The following ITPKB variants were observed in gnomAD, a reference collection of about 807,000 sequenced individuals.
ITPKB encodes inositol-trisphosphate 3-kinase B.
ITPKB carries 13 observed loss-of-function variants against 69.4 expected under a neutral mutation model. That is an observed-to-expected ratio of 0.19 (90% confidence interval 0.12 to 0.30). The LOEUF (loss-of-function observed/expected upper bound fraction) is 0.30. Ranked by LOEUF, ITPKB falls within the 10% of genes least tolerant of loss-of-function variation. The pLI is 1.00. For synonymous variants in ITPKB, 584 were observed against 513.7 expected (o/e 1.14, Z -1.85); for missense variants, 1,240 against 1,250.5 (o/e 0.99, Z 0.13).
chr1:226,637,016 T>C lies in ITPKB; in HGVS notation c.2625+663A>G, dbSNP rs937890333. 3.3e-5 allele frequency among the ~76,000 whole-genome samples: 5 copies of C among 151,956 alleles called. No homozygotes were observed. Among genetic ancestry groups the C allele is most frequent in the Non-Finnish European group, 7.4e-5 (5 of 67,972 alleles). ...AGTGTGATCTGTGAAGGTGTGTGCATGTAGGGTTTATGAGTGTGATCTGTG... is the reference window on the plus strand; with the variant it reads ...AGTGTGATCTGTGAAGGTGTGTGCACGTAGGGTTTATGAGTGTGATCTGTG... On this transcript the variant is annotated intron_variant, in intron 7 of 7. Coordinates refer to ENST00000429204, the MANE Select transcript of ITPKB (RefSeq NM_002221.4). This position sits in a 1 kb window ranked among gnomAD's most constrained non-coding sequence, Gnocchi z 4.3.
At chr1:226,713,265 C>CT (rs1478659556) in intron 2 of ITPKB, among the ~76,000 whole-genome samples, 3 of 152,196 alleles carry the variant, frequency 2.0e-5, no homozygotes, top group Non-Finnish European at 2.9e-5. Context: ...GAGTTGCTGC[C>CT]TGTGTCCCCT....
chr1:226,711,765 C>T (rs1051423839), intron 2 of ITPKB, among the ~76,000 whole-genome samples: 1 of 152,080 alleles, frequency 6.6e-6, no homozygotes, highest in African/African-American at 2.4e-5. Context: ...ACTAGGGTGT[C>T]TGCTCATACT....
At chr1:226,734,201 G>A (rs1571881796) in intron 2 of ITPKB, among the ~76,000 whole-genome samples, 1 of 152,312 alleles carries the variant, frequency 6.6e-6, no homozygotes, top group Middle Eastern at 3.4e-3. Context: ...TAATGCCCAG[G>A]GGCCCTGTCC....
chr1:226,650,784 C>A (rs1270742128), intron 2 of ITPKB, among the ~76,000 whole-genome samples: 1 of 152,206 alleles, frequency 6.6e-6, no homozygotes, highest in Non-Finnish European at 1.5e-5. Flanking sequence ...ATGTCCCTAT[C>A]AGGGGAGAAC....
In ITPKB at chr1:226,738,674, C is replaced by T. The variant is rs553450451; in HGVS notation, c.-206+367G>A. On this transcript the variant is annotated intron_variant, in intron 1 of 7. Coordinates refer to ENST00000429204, the MANE Select transcript of ITPKB (RefSeq NM_002221.4). The surrounding 1 kb of genome is among the most constrained non-coding windows in gnomAD (Gnocchi z 4.2). ...GCTCTGCAAACCTCCCAGGAGCCGGCGCTCTAACACCCCAGGGCAGCGCCG... is the reference window on the plus strand; with the variant it reads ...GCTCTGCAAACCTCCCAGGAGCCGGTGCTCTAACACCCCAGGGCAGCGCCG... Among the ~76,000 whole-genome samples the T allele has an allele frequency of 3.3e-5, 5 of 152,156 alleles. No individual in the cohort carries two copies. The highest frequency in any genetic ancestry group is 3.3e-4 in the Admixed American group (5 of 15,292).
intron 2 of ITPKB, chr1:226,707,633 CAT>C (rs1425786506): frequency 2.6e-5 from 26 of 1,000,838 alleles, no homozygotes; most frequent in African/African-American, 2.3e-4. Flanking sequence ...GCAGTGTACA[CAT>C]GAGTAACTCA....
At chr1:226,687,483 T>C (rs928031056) in intron 2 of ITPKB, among the ~76,000 whole-genome samples, 2 of 152,162 alleles carry the variant, frequency 1.3e-5, no homozygotes, top group African/African-American at 4.8e-5. Context: ...GAGGCCAACA[T>C]AGGAACAGCC....
At chr1:226,708,841 T>G (rs780222601) in intron 2 of ITPKB, among the ~76,000 whole-genome samples, 1 of 152,260 alleles carries the variant, frequency 6.6e-6, no homozygotes, top group Non-Finnish European at 1.5e-5. Context: ...GACAGCATCT[T>G]AACTCGTGAG....
At chr1:226,652,238 G>A (rs918574473) in intron 2 of ITPKB, among the ~76,000 whole-genome samples, 1 of 152,208 alleles carries the variant, frequency 6.6e-6, no homozygotes, top group Non-Finnish European at 1.5e-5. Context: ...ATGAACTAAA[G>A]GATGGGAGGA....
intron 2 of ITPKB, among the ~76,000 whole-genome samples, chr1:226,686,345 A>G (rs977906572): frequency 6.6e-6 from 1 of 152,244 alleles, no homozygotes; most frequent in Non-Finnish European, 1.5e-5. Flanking sequence ...GGGAAGCCAT[A>G]GTCAGTTTCA....
intron 2 of ITPKB, among the ~76,000 whole-genome samples, chr1:226,677,611 TG>T (rs1365996588): frequency 2.0e-5 from 3 of 152,220 alleles, no homozygotes; most frequent in Non-Finnish European, 4.4e-5. Context: ...TGCACAGCAC[TG>T]CTTCTGCCGG....
intron 2 of ITPKB, among the ~76,000 whole-genome samples, chr1:226,675,368 G>T (rs1337519509): frequency 6.6e-6 from 1 of 152,192 alleles, no homozygotes; most frequent in African/African-American, 2.4e-5. Flanking sequence ...GTCCTGAGAC[G>T]AGTGTCAAGA....
rs1491424205 is a variant in ITPKB at position 226,667,853 on chromosome 1, T to TGTGC, written c.1933-19083_1933-19082insGCAC. On this transcript the variant is annotated intron_variant, in intron 2 of 7. Coordinates refer to ENST00000429204, the MANE Select transcript of ITPKB (RefSeq NM_002221.4). ...GTGTGTGTGTGTGTGTGTGTGTGTGTGCGCGCGCGCGTGCGAAGTGGAGGT... is the reference window on the plus strand; with the variant it reads ...GTGTGTGTGTGTGTGTGTGTGTGTGTGTGCGCGCGCGCGCGTGCGAAGTGGAGGT... Among the ~76,000 whole-genome samples the TGTGC allele has an allele frequency of 2.9e-4, 41 of 141,746 alleles. No individual in the cohort carries two copies. The South Asian group carries it at 4.7e-3, about 16-fold the overall frequency. The allele number at this position is 141,746 out of a possible 152,430, so 93.0% of individuals were successfully genotyped here. A position where few individuals can be genotyped will look rare whatever the true frequency, so the allele number is the denominator to read the frequency against.
At chr1:226,657,800 C>T (rs138822389) in intron 2 of ITPKB, among the ~76,000 whole-genome samples, 1 of 152,330 alleles carries the variant, frequency 6.6e-6, no homozygotes, top group East Asian at 1.9e-4. Context: ...TTTGTCTCAG[C>T]CAACAGGATT....
intron 2 of ITPKB, among the ~76,000 whole-genome samples, chr1:226,715,320 C>G (rs1385976649): frequency 6.6e-6 from 1 of 152,236 alleles, no homozygotes; most frequent in Non-Finnish European, 1.5e-5. Context: ...GTAGATAAAA[C>G]CCTCTACCTT....
rs774644405 is a variant in ITPKB, at chr1:226,634,635, G to A, written c.*36C>T. 5 of 760,566 alleles carry A rather than the reference G, an allele frequency of 6.6e-6. No homozygotes were observed. The highest frequency in any genetic ancestry group is 5.5e-5 in the South Asian group (4 of 72,412). 47.1% of individuals were successfully genotyped at this position (760,566 alleles called of 1,614,324 possible). A position where few individuals can be genotyped will look rare whatever the true frequency, so the allele number is the denominator to read the frequency against. ...GAAAGGAAGCACAGGAGGAGGAAAG[G>A]AGGCCCAGGCGGGGGCCAGGGAGGG... is the stretch of plus-strand genomic sequence containing the variant. On this transcript the variant is annotated 3_prime_UTR_variant, in exon 8 of 8. Coordinates refer to ENST00000429204, the MANE Select transcript of ITPKB (RefSeq NM_002221.4). The surrounding 1 kb of genome is among the most constrained non-coding windows in gnomAD (Gnocchi z 6.3).
At chr1:226,711,385 A>T (rs12076039) in intron 2 of ITPKB, among the ~76,000 whole-genome samples, 4,175 of 150,712 alleles carry the variant, frequency 0.028, 194 homozygotes, top group African/African-American at 0.097. Flanking sequence ...ACCTGCCTCC[A>T]GCCCTAGAGG....
At chr1:226,680,359 C>G (rs912855285) in intron 2 of ITPKB, among the ~76,000 whole-genome samples, 1 of 152,184 alleles carries the variant, frequency 6.6e-6, no homozygotes, top group Admixed American at 6.5e-5. Flanking sequence ...TCCTAAGTCC[C>G]TTTTGGCAGA....
chr1:226,664,931 C>T (rs1669468789), intron 2 of ITPKB, among the ~76,000 whole-genome samples: 1 of 152,222 alleles, frequency 6.6e-6, no homozygotes, highest in Non-Finnish European at 1.5e-5. Flanking sequence ...CCCCCTTTCC[C>T]TTAACAGGAT....
Sources: gnomAD v4.1 joint callset for allele counts (sites outside exome capture counted in the v4.1 genomes callset) on GRCh38, gnomAD v4.1.1 for gene constraint, Gnocchi (gnomAD v3.1) non-coding constraint, MANE v1.5 for transcripts, NCBI Gene and HGNC (gene_info 2026-07-23, HGNC 2026-07-21) for gene names.